The following RIPOR2 variants were observed in gnomAD, a reference collection of about 807,000 sequenced individuals.
The protein encoded by RIPOR2 is rho family-interacting cell polarization regulator 2.
RIPOR2 carries 39 observed loss-of-function variants against 114.5 expected under a neutral mutation model. The ratio of observed to expected loss-of-function variants is 0.34; its 90% CI spans 0.26 to 0.44. The LOEUF is 0.44. Among genes scored for constraint, RIPOR2 ranks in the 20% least tolerant of loss-of-function variants. The pLI is 1.00. For missense variants in RIPOR2, 1,007 were observed against 1,255.1 expected (o/e 0.80, Z 2.99); for synonymous variants, 445 against 484.4 (o/e 0.92, Z 1.07).
intron 1 of RIPOR2, among the ~76,000 whole-genome samples, chr6:25,008,324 G>T (rs1390603105): frequency 1.3e-5 from 2 of 150,192 alleles, no homozygotes; most frequent in African/African-American, 2.5e-5. Flanking sequence ...CTAAGTTAAG[G>T]GTCTTGAGAT....
chr6:24,954,552 C>T (rs1471507071), intron 1 of RIPOR2, among the ~76,000 whole-genome samples: 2 of 151,250 alleles, frequency 1.3e-5, no homozygotes, highest in Non-Finnish European at 2.9e-5. Context: ...ACCTCCCAGG[C>T]TTAAGCGTTT....
chr6:24,876,195 C>A (rs930685075), intron 1 of RIPOR2, among the ~76,000 whole-genome samples: 1 of 151,890 alleles, frequency 6.6e-6, no homozygotes, highest in Non-Finnish European at 1.5e-5. Context: ...GAGGCTGAGG[C>A]AGGAGAATTG....
chr6:25,027,353 G>A (rs899619579), intron 1 of RIPOR2, among the ~76,000 whole-genome samples: 1 of 152,162 alleles, frequency 6.6e-6, no homozygotes, highest in Non-Finnish European at 1.5e-5. Flanking sequence ...CCAGGGGGAG[G>A]CGCTCGAGGG....
intron 7 of RIPOR2, among the ~76,000 whole-genome samples, chr6:24,864,285 G>C (rs921062035): frequency 4.6e-5 from 7 of 152,072 alleles, no homozygotes; most frequent in Non-Finnish European, 8.8e-5. Flanking sequence ...AGCCAAGATC[G>C]CGCCACTGCA....
intron 1 of RIPOR2, among the ~76,000 whole-genome samples, chr6:24,945,759 A>G (rs1772373346): frequency 6.6e-6 from 1 of 152,200 alleles, no homozygotes; most frequent in Non-Finnish European, 1.5e-5. Flanking sequence ...AGTGTAGTAA[A>G]AGAACCAATA....
intron 1 of RIPOR2, among the ~76,000 whole-genome samples, chr6:25,021,486 C>T (rs764413423): frequency 6.6e-6 from 1 of 152,216 alleles, no homozygotes; most frequent in Non-Finnish European, 1.5e-5. Flanking sequence ...ATGGCATTCA[C>T]AGTGACCTGG....
chr6:24,971,647 TC>T (rs1773792560), intron 1 of RIPOR2, among the ~76,000 whole-genome samples: 1 of 152,246 alleles, frequency 6.6e-6, no homozygotes, highest in Non-Finnish European at 1.5e-5. Flanking sequence ...TGAGGAGGGT[TC>T]CCCTCATTTC....
intron 1 of RIPOR2, among the ~76,000 whole-genome samples, chr6:25,010,906 T>A (rs1207301204): frequency 6.6e-6 from 1 of 152,206 alleles, no homozygotes; most frequent in Non-Finnish European, 1.5e-5. Flanking sequence ...TCCCCATGCG[T>A]GCTACACTAG....
intron 5 of RIPOR2, among the ~76,000 whole-genome samples, chr6:24,869,659 A>C (rs2747667): frequency 2.0e-5 from 3 of 151,952 alleles, no homozygotes; most frequent in African/African-American, 7.3e-5. Flanking sequence ...TATTTTGAGA[A>C]GTGAACTTGA....
At chr6:24,869,058 T>C in intron 6 of RIPOR2, 36 bp downstream of exon 6, 1 of 1,309,712 alleles carries the variant, frequency 7.6e-7, no homozygotes, top group South Asian at 1.2e-5. Context: ...GCAACAGAAC[T>C]GAAAAACAGG....
intron 1 of RIPOR2, among the ~76,000 whole-genome samples, chr6:24,991,944 G>A (rs1420943205): frequency 1.3e-5 from 2 of 152,124 alleles, no homozygotes; most frequent in Admixed American, 6.5e-5. Flanking sequence ...GAGCTCCACA[G>A]AGAGAGTTCA....
At position 24,835,725 on chromosome 6, in the gene RIPOR2, TG is replaced by T; in HGVS notation, c.2185del (p.Gln729SerfsTer24). On this transcript the variant is annotated frameshift_variant, in exon 15 of 22. Transcript: ENST00000643898. LOFTEE classifies it high-confidence loss of function. ...SLDITIVRHL[Q>X]YCTQLVQQIV... The stretch of plus-strand genomic sequence containing the variant: ...TACCTGCACGAGTTGGGTGCAGTAC[TG>T]GAGGTGCCTGACGATGGTGATGTCC... 6.4e-7 allele frequency: 1 copy of T among 1,551,698 alleles called. No individual in the cohort carries two copies. Among genetic ancestry groups the T allele is most frequent in the Non-Finnish European group, 8.7e-7 (1 of 1,146,984 alleles).
intron 1 of RIPOR2, chr6:24,976,899 T>C: frequency 1.2e-6 from 2 of 1,604,274 alleles, no homozygotes; most frequent in Non-Finnish European, 1.7e-6. Flanking sequence ...ATGAATATTG[T>C]GGAGGCCATG....
intron 20 of RIPOR2, among the ~76,000 whole-genome samples, chr6:24,812,419 G>A (rs1781234583): frequency 2.8e-5 from 1 of 35,208 alleles, no homozygotes; most frequent in Non-Finnish European, 8.6e-5. Flanking sequence ...GCATTTCTCT[G>A]ATGGCCAGTG....
chr6:25,006,013 T>C (rs1775550101), intron 1 of RIPOR2, among the ~76,000 whole-genome samples: 2 of 152,102 alleles, frequency 1.3e-5, no homozygotes, highest in Non-Finnish European at 2.9e-5. Flanking sequence ...CTTTTTAAAT[T>C]TTGAATCCTT....
intron 1 of RIPOR2, among the ~76,000 whole-genome samples, chr6:24,906,850 G>A (rs1215304016): frequency 6.6e-6 from 1 of 151,832 alleles, no homozygotes; most frequent in Admixed American, 6.6e-5. Context: ...TGTTGCCCAG[G>A]CTGGTCTCAA....
intron 13 of RIPOR2, 80 bp downstream of exon 13, chr6:24,842,782 T>C (rs1761847862): frequency 1.3e-6 from 1 of 784,200 alleles, no homozygotes; most frequent in East Asian, 3.1e-5. Context: ...TTTTTTTAAA[T>C]GATACCTCAT....
intron 16 of RIPOR2, among the ~76,000 whole-genome samples, chr6:24,831,079 T>C (rs958649205): frequency 6.6e-6 from 1 of 151,994 alleles, no homozygotes; most frequent in Non-Finnish European, 1.5e-5. Flanking sequence ...GGGGGGTCTT[T>C]AGGGACTTTT....
In RIPOR2 at chr6:24,858,859, C is replaced by T. The variant is rs571107850; in HGVS notation, c.715+2114G>A. 3.9e-5 allele frequency among the ~76,000 whole-genome samples: 6 copies of T among 152,174 alleles called. No homozygotes were observed. The highest frequency in any genetic ancestry group is 7.4e-5 in the Non-Finnish European group (5 of 68,020). On this transcript the variant is annotated intron_variant, in intron 8 of 21. Coordinates refer to ENST00000643898, the MANE Select transcript of RIPOR2 (RefSeq NM_001286445.3). The surrounding 1 kb of genome is among the most constrained non-coding windows in gnomAD (Gnocchi z 4.0). ...CCCCAGTAGGTGGCAGGGACTCCAG[C>T]ATCATCTCCTCCCTGAACACCAAGC...
Sources: allele counts gnomAD v4.1 joint callset (sites outside exome capture counted in the v4.1 genomes callset), GRCh38; gene constraint gnomAD v4.1.1; non-coding constraint Gnocchi (gnomAD v3.1); transcripts MANE v1.5; gene names NCBI Gene and HGNC (gene_info 2026-07-23, HGNC 2026-07-21).